Variants in C3 observed in about 807,000 individuals in gnomAD.
The protein encoded by C3 is complement C3.
A neutral mutation model predicts 207.9 loss-of-function variants in C3; 97 were observed. That is an observed-to-expected ratio of 0.47 (90% CI 0.40 to 0.55). The LOEUF (loss-of-function observed/expected upper bound fraction) is 0.55, where lower values mean the gene tolerates loss of function less well. C3 is among the 20% of genes least tolerant of loss of function. C3 has a pLI of 0.00. For synonymous variants in C3, 848 were observed against 857.6 expected (o/e 0.99, Z 0.20); for missense variants, 1,684 against 2,171.7 (o/e 0.78, Z 4.46).
In C3 at chr19:6,680,205, T is replaced by G; in HGVS notation, c.4409A>C (p.Glu1470Ala). ...AFKVHQYFNV[E>A]LIQPGAVKVY... is the part of the protein sequence containing the mutation. Reference sequence around the variant, plus strand: ...CTTGACTGCTCCAGGCTGGATAAGCTCTACATTAAAGTATTGGTGAACTTT... The same window carrying G: ...CTTGACTGCTCCAGGCTGGATAAGCGCTACATTAAAGTATTGGTGAACTTT... Residue 1470 changes from glutamate to alanine, a missense_variant, in exon 36 of 41, where the codon GAG becomes GCG. Physicochemically the swap from Glu to Ala is moderately radical, Grantham distance 107. Transcript: ENST00000245907. 2 of 1,613,716 alleles carry G rather than the reference T, an allele frequency of 1.2e-6. No homozygotes were observed. Among genetic ancestry groups the G allele is most frequent in the Non-Finnish European group, 1.7e-6 (2 of 1,179,668 alleles).
chr19:6,714,697 A>C (rs974072362), intron 4 of C3, among the ~76,000 whole-genome samples: 5 of 152,194 alleles, frequency 3.3e-5, no homozygotes, highest in Non-Finnish European at 5.9e-5. Context: ...CCCTGTCTCT[A>C]CTAAAAATAC....
intron 37 of C3, 66 bp from the exon 38 acceptor site, chr19:6,679,274 G>GGCCACACCCA: frequency 6.6e-7 from 1 of 1,508,940 alleles, no homozygotes; most frequent in Non-Finnish European, 9.2e-7. Context: ...GCCCATGGGT[G>GGCCACACCCA]TGGCCAGCCC....
At chr19:6,696,261 G>A (rs528736459) in intron 23 of C3, 118 bp downstream of exon 23, 1 of 705,378 alleles carries the variant, frequency 1.4e-6, no homozygotes, top group African/African-American at 1.8e-5. Context: ...TCACAGATGG[G>A]CTGTTCTAGC....
intron 13 of C3, 129 bp downstream of exon 13, chr19:6,710,510 G>A (rs1967894515): frequency 1.4e-6 from 1 of 715,996 alleles, no homozygotes; most frequent in East Asian, 2.8e-5. Context: ...AAAGGGAGAG[G>A]AAGAGAAGAG....
chr19:6,714,950 C>T (rs954830369), intron 4 of C3, among the ~76,000 whole-genome samples: 3 of 152,140 alleles, frequency 2.0e-5, no homozygotes, highest in Non-Finnish European at 4.4e-5. Flanking sequence ...GGGCAAGTTA[C>T]CTAACCTCTC....
chr19:6,687,716 C>A (rs908560141), intron 27 of C3, among the ~76,000 whole-genome samples: 1 of 152,124 alleles, frequency 6.6e-6, no homozygotes, highest in South Asian at 2.1e-4. Context: ...ACATAAGTAA[C>A]CCCAAGAGTA....
At chr19:6,688,200 G>C (rs758435238) in intron 27 of C3, among the ~76,000 whole-genome samples, 1 of 151,672 alleles carries the variant, frequency 6.6e-6, no homozygotes, top group Non-Finnish European at 1.5e-5. Flanking sequence ...GCGCAATCTC[G>C]GCTCACTGCA....
intron 14 of C3, 129 bp downstream of exon 14, chr19:6,709,555 G>T: frequency 9.6e-7 from 1 of 1,038,792 alleles, no homozygotes. Context: ...CCCTGTGTCT[G>T]GTCTGCTCCG....
At position 6,713,440 on chromosome 19, in the gene C3, C is replaced by T. The variant is rs1967963463; in HGVS notation, c.843G>A (p.Arg281=). The T allele has an allele frequency of 6.2e-7, 1 of 1,613,836 alleles. No homozygotes were observed. The highest frequency in any genetic ancestry group is 8.5e-7 in the Non-Finnish European group (1 of 1,179,960). ...VIFGIQDGEQ[R]ISLPESLKRI... ...GCTTGAGGGATTCAGGCAGGGAAAT[C>T]CTCTGTTCGCCATCCTGGATCCCGA... is the stretch of plus-strand genomic sequence containing the variant. The change falls in exon 8 of 41, where the codon AGG becomes AGA. Residue 281 remains arginine (R), a synonymous_variant. Transcript: ENST00000245907.
intron 27 of C3, among the ~76,000 whole-genome samples, chr19:6,687,759 T>C (rs989386740): frequency 1.3e-5 from 2 of 152,166 alleles, no homozygotes; most frequent in Admixed American, 6.5e-5. Context: ...TAGGAAGCGA[T>C]GAGTTTGAGT....
At chr19:6,689,292 A>ACAGTC (rs1451605182) in intron 27 of C3, among the ~76,000 whole-genome samples, 19 of 91,488 alleles carry the variant, frequency 2.1e-4, no homozygotes, top group South Asian at 6.8e-4. Context: ...GTCTGACCCC[A>ACAGTC]CCTCTCCTCT....
chr19:6,697,577 C>A, intron 20 of C3, 21 bp from the exon 21 acceptor site: 2 of 1,613,836 alleles, frequency 1.2e-6, no homozygotes. Flanking sequence ...GAGAAAGGAT[C>A]CGGGCAAGTG....
chr19:6,702,276 C>G, intron 18 of C3, 64 bp from the exon 19 acceptor site: 2 of 1,155,664 alleles, frequency 1.7e-6, no homozygotes, highest in Non-Finnish European at 2.6e-6. Flanking sequence ...AGGGGAAGAA[C>G]TGGTGCAGAG....
At position 6,713,350 on chromosome 19, in the gene C3, G is replaced by C. The variant is rs781092523; in HGVS notation, c.877-35C>G. ...GAGAGGAGGGCTCAGAGAGGGGAGC[G>C]GGCTCAGAGGTGGCGGGGACTGGGG... On this transcript the variant is annotated intron_variant, in intron 8 of 40. Transcript: ENST00000245907. The C allele has an allele frequency of 5.6e-6, 9 of 1,613,840 alleles. No homozygotes were observed. In the East Asian group the frequency reaches 1.6e-4, roughly 28 times the overall value.
In C3 at chr19:6,719,773, A is replaced by C. The variant is rs561300240; in HGVS notation, c.75-370T>G. On this transcript the variant is annotated intron_variant, in intron 1 of 40. Transcript: ENST00000245907. This position sits in a 1 kb window ranked among gnomAD's most constrained non-coding sequence, Gnocchi z 5.4. ...AAACCCACACATGCCCCAAACCCTA[A>C]ACCTCTACCTCTCTAAACACTCCAA... is the stretch of plus-strand genomic sequence containing the variant. 1.3e-5 allele frequency among the ~76,000 whole-genome samples: 2 copies of C among 151,914 alleles called. No individual in the cohort carries two copies. Among genetic ancestry groups the C allele is most frequent in the Admixed American group, 1.3e-4 (2 of 15,262 alleles).
chr19:6,686,056 T>G, intron 29 of C3, 68 bp downstream of exon 29: 32 of 1,517,204 alleles, frequency 2.1e-5, no homozygotes, highest in Non-Finnish European at 2.9e-5. Flanking sequence ...CAGTGTCTTC[T>G]CTAGGAGGCC....
chr19:6,707,844 A>T lies in C3; in HGVS notation c.1931T>A (p.Leu644Gln). Residue 644 changes from leucine to glutamine, a missense_variant, in exon 15 of 41, where the codon CTG (leucine) becomes CAG (glutamine). Coordinates refer to ENST00000245907, the MANE Select transcript of C3 (RefSeq NM_000064.4). ...CTGGCCACTGCTGCTCGTGAAGGTC[A>T]GCCCTGCGTCGGAGAAGACACCGGC... ...DYAGVFSDAG[L>Q]TFTSSSGQQT... 6.2e-7 allele frequency: 1 copy of T among 1,613,926 alleles called. No individual in the cohort carries two copies.
intron 29 of C3, 95 bp downstream of exon 29, chr19:6,686,029 A>G: frequency 7.8e-7 from 1 of 1,274,520 alleles, no homozygotes. Context: ...GGAATGAAGA[A>G]CTGCCTCGCT....
chr19:6,718,140 T>C lies in C3; in HGVS notation c.458A>G (p.Asn153Ser). Residue 153 changes from asparagine to serine, a missense_variant, in exon 4 of 41, where the codon AAC becomes AGC. Asn to Ser is a conservative substitution (Grantham distance 46). Around this residue, in one of 3 missense-constraint regions of C3, gnomAD observed 1,280 missense variants for 1,739.1 expected, o/e 0.74. Transcript: ENST00000245907. ...CCGGCCCACGGGTAGCAGCTTGTGGTTGACGGTGAAGATCCGATAGAGAAC... is the reference window on the plus strand; with the variant it reads ...CCGGCCCACGGGTAGCAGCTTGTGGCTGACGGTGAAGATCCGATAGAGAAC... ...STVLYRIFTVNHKLLPVGRTV... is the reference protein window; with the variant it reads ...STVLYRIFTVSHKLLPVGRTV... 1.9e-6 allele frequency: 3 copies of C among 1,614,162 alleles called. No homozygotes were observed. Among genetic ancestry groups the C allele is most frequent in the Non-Finnish European group, 2.5e-6 (3 of 1,180,022 alleles).
Sources: allele counts gnomAD v4.1 joint callset (sites outside exome capture counted in the v4.1 genomes callset), GRCh38; gene constraint gnomAD v4.1.1; regional missense constraint gnomAD v4.1.1; non-coding constraint Gnocchi (gnomAD v3.1); transcripts MANE v1.5; gene names NCBI Gene and HGNC (gene_info 2026-07-23, HGNC 2026-07-21).